The following RB1 variants were observed in gnomAD, a reference collection of about 807,000 sequenced individuals.
RB1 encodes retinoblastoma-associated protein.
RB1 carries 18 observed loss-of-function variants against 135.4 expected under a neutral mutation model. The observed-to-expected ratio is 0.13, with a 90% CI of 0.09 to 0.20. The LOEUF (loss-of-function observed/expected upper bound fraction) is 0.20. Ranked by LOEUF, RB1 falls within the 10% of genes least tolerant of loss-of-function variation. The pLI, the probability that RB1 is intolerant of heterozygous loss-of-function variation, is 1.00. For synonymous variants in RB1, 365 were observed against 373.2 expected (o/e 0.98, Z 0.25); for missense variants, 868 against 1,110.0 (o/e 0.78, Z 3.10).
chr13:48,323,239 C>T (rs1952256906), intron 2 of RB1, among the ~76,000 whole-genome samples: 1 of 152,038 alleles, frequency 6.6e-6, no homozygotes, highest in Non-Finnish European at 1.5e-5. Flanking sequence ...CTTTCTGAAT[C>T]AGTTTTTATA....
intron 8 of RB1, among the ~76,000 whole-genome samples, chr13:48,364,016 G>C (rs899888759): frequency 7.9e-5 from 12 of 152,152 alleles, no homozygotes; most frequent in African/African-American, 2.9e-4. Context: ...GAGTGAGAGT[G>C]TGGTCCTAAA....
chr13:48,411,775 A>C, intron 17 of RB1: 1 of 1,611,580 alleles, frequency 6.2e-7, no homozygotes, highest in Non-Finnish European at 8.5e-7. Context: ...CTTCTACTTA[A>C]TGTAACAGGT....
At chr13:48,362,744 A>G (rs1271185052) in intron 7 of RB1, 71 bp from the exon 8 acceptor site, 1 of 1,486,574 alleles carries the variant, frequency 6.7e-7, no homozygotes, top group Admixed American at 1.7e-5. Flanking sequence ...GACCTAAGTT[A>G]TAGTTAGAAT....
intron 6 of RB1, among the ~76,000 whole-genome samples, chr13:48,351,409 C>T (rs1170868037): frequency 1.3e-5 from 2 of 151,876 alleles, no homozygotes; most frequent in Non-Finnish European, 2.9e-5. Flanking sequence ...GTTCATGTGC[C>T]TTGCCCACTT....
chr13:48,321,188 C>T (rs187097105), intron 2 of RB1, among the ~76,000 whole-genome samples: 3 of 152,226 alleles, frequency 2.0e-5, no homozygotes, highest in South Asian at 2.1e-4. Flanking sequence ...GCGGCGGGCC[C>T]GGGTCTCTGG....
intron 2 of RB1, chr13:48,333,264 G>A (rs1952352479): frequency 2.6e-6 from 1 of 387,302 alleles, no homozygotes; most frequent in Non-Finnish European, 4.6e-6. Flanking sequence ...TGTCATATTT[G>A]GTAAAAGGAG....
At chr13:48,317,112 C>T in intron 2 of RB1, 1 of 905,148 alleles carries the variant, frequency 1.1e-6, no homozygotes, top group Non-Finnish European at 1.5e-6. Flanking sequence ...CAAGTGTGGG[C>T]TTCCAAAGAC....
rs369292481 is a variant in RB1 at position 48,309,901 on chromosome 13, C to T, written c.264+2495C>T. 5.9e-5 allele frequency among the ~76,000 whole-genome samples: 9 copies of T among 152,148 alleles called. No individual in the cohort carries two copies. The East Asian group carries it at 1.7e-3, about 29-fold the overall frequency. On this transcript the variant is annotated intron_variant, in intron 2 of 26. Coordinates refer to ENST00000267163, the MANE Select transcript of RB1 (RefSeq NM_000321.3). ...TACTGCTTTATTACCCTTTTTCATC[C>T]TGGCTTTGTCTCTACCTTCCCTGGG... is the stretch of plus-strand genomic sequence containing the variant.
intron 17 of RB1, among the ~76,000 whole-genome samples, chr13:48,420,021 C>A (rs1436706414): frequency 6.6e-6 from 1 of 152,110 alleles, no homozygotes; most frequent in Non-Finnish European, 1.5e-5. Flanking sequence ...AAAGAGAGTC[C>A]TCCTTAACTC....
chr13:48,380,090 T>C lies in RB1; in HGVS notation c.1421+6T>C, dbSNP rs768192190. ...TTATCCATTCAAAATTTTAGGTAAA[T>C]TTTTTACTTTTAGTAAAAAATTTTT... On this transcript the variant is annotated splice_donor_region_variant and intron_variant, in intron 15 of 26. Transcript: ENST00000267163. 7.1e-7 allele frequency: 1 copy of C among 1,418,142 alleles called. No homozygotes were observed. Among genetic ancestry groups the C allele is most frequent in the Admixed American group, 2.4e-5 (1 of 41,960 alleles). 87.8% of individuals were successfully genotyped at this position (1,418,142 alleles called of 1,614,324 possible).
At chr13:48,439,156 G>A (rs1464851883) in intron 17 of RB1, among the ~76,000 whole-genome samples, 5 of 152,118 alleles carry the variant, frequency 3.3e-5, no homozygotes, top group Non-Finnish European at 7.4e-5. Flanking sequence ...ACTTGGGTTT[G>A]AATCACTGCT....
rs750850735 is a variant in RB1, at chr13:48,342,606, A to G, written c.272A>G (p.Tyr91Cys). Residue 91 changes from tyrosine to cysteine, a missense_variant, in exon 3 of 27, where the codon TAT (tyrosine) becomes TGT (cysteine). This residue lies in a region of RB1 where 641 missense variants were observed against 791.3 expected (regional missense o/e 0.81). Transcript: ENST00000267163. Reference sequence around the variant, plus strand: ...TTTATTTTTTGTTCCCAGGGAGGTTATATTCAAAAGAAAAAGGAACTGTGG... The same window carrying G: ...TTTATTTTTTGTTCCCAGGGAGGTTGTATTCAAAAGAAAAAGGAACTGTGG... ...VSSVDGVLGG[Y>C]IQKKKELWGI... 2.5e-5 allele frequency: 40 copies of G among 1,592,020 alleles called. No individual in the cohort carries two copies. The highest frequency in any genetic ancestry group is 3.3e-5 in the Non-Finnish European group (38 of 1,160,416).
intron 6 of RB1, among the ~76,000 whole-genome samples, chr13:48,357,870 A>T (rs1006650355): frequency 1.3e-5 from 2 of 152,152 alleles, no homozygotes; most frequent in Admixed American, 1.3e-4. Flanking sequence ...CAAGCATGAT[A>T]TTACGTGCTA....
rs1023107722 is a variant in RB1, at chr13:48,318,785, C to T, written c.264+11379C>T. 9 of 741,344 alleles carry T rather than the reference C, an allele frequency of 1.2e-5. No homozygotes were observed. The African/African-American group carries it at 1.4e-4, about 11-fold the overall frequency. 45.9% of individuals were successfully genotyped at this position (741,344 alleles called of 1,614,324 possible). A position where few individuals can be genotyped will look rare whatever the true frequency, so the allele number is the denominator to read the frequency against. On this transcript the variant is annotated intron_variant, in intron 2 of 26. Coordinates refer to ENST00000267163, the MANE Select transcript of RB1 (RefSeq NM_000321.3). Reference sequence around the variant, plus strand: ...CACTGGTCTGGCTGTTGGGGCCAGGCGGTGAAAGTGGGCCCTGGGCAGCCT... The same window carrying T: ...CACTGGTCTGGCTGTTGGGGCCAGGTGGTGAAAGTGGGCCCTGGGCAGCCT...
intron 17 of RB1, chr13:48,444,666 C>A (rs1240687945): frequency 6.6e-6 from 1 of 152,280 alleles, no homozygotes; most frequent in Non-Finnish European, 1.5e-5. Context: ...CCTCCAGAAA[C>A]CTCCATGTGT....
At chr13:48,363,201 G>A (rs1468326741) in intron 8 of RB1, among the ~76,000 whole-genome samples, 6 of 145,016 alleles carry the variant, frequency 4.1e-5, no homozygotes, top group African/African-American at 1.3e-4. Flanking sequence ...GTTTTCAAAT[G>A]TAGTTTTTTT....
chr13:48,334,377 G>A (rs1254143242), intron 2 of RB1, among the ~76,000 whole-genome samples: 1 of 152,122 alleles, frequency 6.6e-6, no homozygotes, highest in Non-Finnish European at 1.5e-5. Context: ...TATTCCTTCT[G>A]TTCCTACGTA....
chr13:48,448,889 ATTG>A, intron 17 of RB1, among the ~76,000 whole-genome samples: 1 of 152,336 alleles, frequency 6.6e-6, no homozygotes, highest in Non-Finnish European at 1.5e-5. Flanking sequence ...AAAACGTTTC[ATTG>A]CTAGTAAACT....
At chr13:48,449,347 T>C (rs1251196936) in intron 17 of RB1, among the ~76,000 whole-genome samples, 1 of 152,172 alleles carries the variant, frequency 6.6e-6, no homozygotes, top group Non-Finnish European at 1.5e-5. Context: ...GAAACCCCCA[T>C]TGCGTATCTT....
Sources: allele counts gnomAD v4.1 joint callset (sites outside exome capture counted in the v4.1 genomes callset), GRCh38; gene constraint gnomAD v4.1.1; regional missense constraint gnomAD v4.1.1; transcripts MANE v1.5; gene names NCBI Gene and HGNC (gene_info 2026-07-23, HGNC 2026-07-21).